The following SLC16A1 variants were observed in gnomAD, a reference collection of about 807,000 sequenced individuals.
The protein encoded by SLC16A1 is solute carrier family 16 member 1.
A neutral mutation model predicts 32.2 loss-of-function variants in SLC16A1; 11 were observed. That is an observed-to-expected ratio of 0.34 (90% CI 0.21 to 0.56). The LOEUF (loss-of-function observed/expected upper bound fraction) is 0.56, where lower values mean the gene tolerates loss of function less well. Ranked by LOEUF, SLC16A1 falls within the 20% of genes least tolerant of loss-of-function variation. The pLI is 0.87. For missense variants in SLC16A1, 435 were observed against 615.0 expected (o/e 0.71, Z 3.10); for synonymous variants, 231 against 226.8 (o/e 1.02, Z -0.17).
chr1:112,939,569 G>A (rs562388148), intron 1 of SLC16A1, among the ~76,000 whole-genome samples: 1 of 152,076 alleles, frequency 6.6e-6, no homozygotes, highest in African/African-American at 2.4e-5. Context: ...GCAATGGCAT[G>A]ATCTCGGCTC....
chr1:112,929,565 G>C (rs1263424039), intron 1 of SLC16A1, among the ~76,000 whole-genome samples: 1 of 152,020 alleles, frequency 6.6e-6, no homozygotes, highest in Non-Finnish European at 1.5e-5. Flanking sequence ...TAAAAAATTA[G>C]CTGGGTATGG....
chr1:112,918,069 T>C, intron 3 of SLC16A1, 25 bp from the exon 4 acceptor site: 1 of 985,836 alleles, frequency 1.0e-6, no homozygotes. Flanking sequence ...AATAAATAAA[T>C]AAATAAATAA....
At chr1:112,934,031 T>C (rs1026674505) in intron 1 of SLC16A1, among the ~76,000 whole-genome samples, 2 of 152,164 alleles carry the variant, frequency 1.3e-5, no homozygotes, top group Non-Finnish European at 2.9e-5. Context: ...TACTGATGCA[T>C]GCGATAACAT....
Position 112,929,340 on chromosome 1 carries a change from C to A in SLC16A1, c.-32G>T. On this transcript the variant is annotated 5_prime_UTR_variant, in exon 2 of 5. Coordinates refer to ENST00000369626, the MANE Select transcript of SLC16A1 (RefSeq NM_003051.4). Reference sequence around the variant, plus strand: ...TGTAGATAAATTCCAAAATGCAGGTCAAATCCAAATATCTGAAAGACATAA... The same window carrying A: ...TGTAGATAAATTCCAAAATGCAGGTAAAATCCAAATATCTGAAAGACATAA... The A allele has an allele frequency of 1.3e-6, 2 of 1,546,166 alleles. No homozygotes were observed. The highest frequency in any genetic ancestry group is 2.2e-5 in the South Asian group (2 of 89,430).
intron 1 of SLC16A1, among the ~76,000 whole-genome samples, chr1:112,940,463 T>C (rs956682834): frequency 1.3e-5 from 2 of 152,202 alleles, no homozygotes; most frequent in Non-Finnish European, 2.9e-5. Flanking sequence ...AAATCATTAA[T>C]TCAATTTGAT....
intron 1 of SLC16A1, among the ~76,000 whole-genome samples, chr1:112,935,183 G>A (rs1168696095): frequency 6.6e-6 from 1 of 152,212 alleles, no homozygotes; most frequent in African/African-American, 2.4e-5. Flanking sequence ...GGGAGGCCGA[G>A]GAGAGTGGAT....
intron 1 of SLC16A1, among the ~76,000 whole-genome samples, chr1:112,931,233 T>C: frequency 6.6e-6 from 1 of 152,132 alleles, no homozygotes; most frequent in East Asian, 1.9e-4. Context: ...CTCAGAAAAG[T>C]TTCCTTTTAT....
At chr1:112,937,638 G>C (rs1205708848) in intron 1 of SLC16A1, among the ~76,000 whole-genome samples, 1 of 152,134 alleles carries the variant, frequency 6.6e-6, no homozygotes, top group South Asian at 2.1e-4. Flanking sequence ...TAAATTATGA[G>C]AGCAGGCCCC....
chr1:112,941,278 CTTTT>C (rs11362773), intron 1 of SLC16A1, among the ~76,000 whole-genome samples: 3 of 111,544 alleles, frequency 2.7e-5, no homozygotes, highest in African/African-American at 3.6e-5. Context: ...CTCTTCACAC[CTTTT>C]TTTTTTTTTT....
chr1:112,951,242 G>T (rs1557857940), intron 1 of SLC16A1, among the ~76,000 whole-genome samples: 2 of 151,954 alleles, frequency 1.3e-5, no homozygotes, highest in Non-Finnish European at 2.9e-5. Context: ...TGAAAAGTGG[G>T]GGGTTGGACG....
chr1:112,948,589 C>T (rs761226611), intron 1 of SLC16A1, among the ~76,000 whole-genome samples: 14 of 151,820 alleles, frequency 9.2e-5, no homozygotes, highest in East Asian at 1.9e-4. Flanking sequence ...ATGCAACCTC[C>T]GTCTCCCGGG....
intron 1 of SLC16A1, among the ~76,000 whole-genome samples, chr1:112,938,246 A>G (rs148010440): frequency 6.6e-6 from 1 of 152,202 alleles, no homozygotes; most frequent in African/African-American, 2.4e-5. Flanking sequence ...AAACACATGG[A>G]AACATTCAAA....
chr1:112,949,301 G>T (rs746437485), intron 1 of SLC16A1, among the ~76,000 whole-genome samples: 2 of 152,062 alleles, frequency 1.3e-5, no homozygotes, highest in East Asian at 3.9e-4. Context: ...CACTCACCTC[G>T]GCCTCCCAAA....
intron 4 of SLC16A1, among the ~76,000 whole-genome samples, chr1:112,916,025 G>C (rs981351371): frequency 1.3e-5 from 2 of 152,102 alleles, no homozygotes; most frequent in African/African-American, 4.8e-5. Flanking sequence ...TGAAGCCTCT[G>C]TTCACTTACA....
chr1:112,938,084 C>G (rs1649370754), intron 1 of SLC16A1, among the ~76,000 whole-genome samples: 2 of 152,182 alleles, frequency 1.3e-5, no homozygotes, highest in African/African-American at 4.8e-5. Flanking sequence ...TCATCATGTT[C>G]TGTACACTTT....
chr1:112,935,507 G>A (rs1649272012), intron 1 of SLC16A1, among the ~76,000 whole-genome samples: 1 of 152,270 alleles, frequency 6.6e-6, no homozygotes, highest in East Asian at 1.9e-4. Flanking sequence ...GGTTTGAAGA[G>A]ATTAGTCAGA....
intron 1 of SLC16A1, among the ~76,000 whole-genome samples, chr1:112,952,083 G>A (rs935306767): frequency 3.3e-5 from 5 of 152,020 alleles, no homozygotes; most frequent in East Asian, 3.8e-4. Flanking sequence ...ACTCCCACTC[G>A]GAAATCAAAC....
intron 1 of SLC16A1, among the ~76,000 whole-genome samples, chr1:112,943,737 G>A (rs975248263): frequency 5.0e-5 from 7 of 139,834 alleles, no homozygotes; most frequent in Non-Finnish European, 7.5e-5. Flanking sequence ...GTGGTGAGCC[G>A]AGATCACACC....
intron 3 of SLC16A1, among the ~76,000 whole-genome samples, chr1:112,920,247 C>T (rs1212095562): frequency 1.3e-5 from 2 of 152,142 alleles, no homozygotes; most frequent in Admixed American, 1.3e-4. Flanking sequence ...CCGAGGCAGG[C>T]GGATCACCTG....
Sources: allele counts gnomAD v4.1 joint callset (sites outside exome capture counted in the v4.1 genomes callset), GRCh38; gene constraint gnomAD v4.1.1; transcripts MANE v1.5; gene names NCBI Gene and HGNC (gene_info 2026-07-23, HGNC 2026-07-21).